SLC35F1: variants seen among roughly 807,000 people sequenced by gnomAD.
SLC35F1 encodes solute carrier family 35 member F1, also known as chromosome 6 open reading frame 169.
A neutral mutation model predicts 48.7 loss-of-function variants in SLC35F1; 14 were observed. The ratio of observed to expected loss-of-function variants is 0.29; its 90% CI spans 0.19 to 0.45. SLC35F1 has a LOEUF of 0.45. Among genes scored for constraint, SLC35F1 ranks in the 20% least tolerant of loss-of-function variants. SLC35F1 has a pLI of 1.00. For missense variants in SLC35F1, 404 were observed against 500.0 expected (o/e 0.81, Z 1.83); for synonymous variants, 190 against 202.2 (o/e 0.94, Z 0.51).
chr6:118,255,416 G>A (rs181843950), intron 3 of SLC35F1, among the ~76,000 whole-genome samples: 1 of 152,312 alleles, frequency 6.6e-6, no homozygotes, highest in East Asian at 1.9e-4. Flanking sequence ...AGGCTTTGAT[G>A]ATACCCGATG....
intron 1 of SLC35F1, among the ~76,000 whole-genome samples, chr6:117,990,305 G>A (rs758367032): frequency 7.9e-5 from 12 of 151,968 alleles, no homozygotes; most frequent in Non-Finnish European, 1.5e-4. Context: ...TCTGTCTCAC[G>A]CTGGAGGCCA....
At chr6:118,033,339 G>A (rs1187623588) in intron 1 of SLC35F1, among the ~76,000 whole-genome samples, 2 of 152,126 alleles carry the variant, frequency 1.3e-5, no homozygotes, top group African/African-American at 4.8e-5. Context: ...CTCAGTAAAT[G>A]TTAGCTAATG....
At chr6:118,126,489 TTAAAG>T (rs536894709) in intron 1 of SLC35F1, among the ~76,000 whole-genome samples, 116 of 152,168 alleles carry the variant, frequency 7.6e-4, no homozygotes, top group African/African-American at 2.5e-3. Context: ...CATATGAACT[TTAAAG>T]TAGTTTTTTC....
intron 1 of SLC35F1, among the ~76,000 whole-genome samples, chr6:117,938,168 AG>A (rs1776183698): frequency 6.6e-6 from 1 of 152,186 alleles, no homozygotes; most frequent in Non-Finnish European, 1.5e-5. Context: ...GGGGTAATAT[AG>A]AGGAGATGAT....
intron 2 of SLC35F1, among the ~76,000 whole-genome samples, chr6:118,220,976 A>T (rs1775139435): frequency 6.6e-6 from 1 of 152,152 alleles, no homozygotes; most frequent in African/African-American, 2.4e-5. Flanking sequence ...TTGTCACACG[A>T]CACAGAAGGC....
At chr6:117,969,599 T>C (rs903589107) in intron 1 of SLC35F1, among the ~76,000 whole-genome samples, 1 of 152,160 alleles carries the variant, frequency 6.6e-6, no homozygotes, top group Non-Finnish European at 1.5e-5. Flanking sequence ...CCTGTGGTCC[T>C]AGCTACTCTG....
At chr6:117,967,825 C>T (rs1349284218) in intron 1 of SLC35F1, among the ~76,000 whole-genome samples, 2 of 152,128 alleles carry the variant, frequency 1.3e-5, no homozygotes, top group African/African-American at 4.8e-5. Context: ...GGAGCCATTT[C>T]AATCCAATAT....
chr6:117,990,953 G>T (rs925121760), intron 1 of SLC35F1, among the ~76,000 whole-genome samples: 5 of 152,082 alleles, frequency 3.3e-5, no homozygotes, highest in African/African-American at 1.2e-4. Flanking sequence ...AGGATTAGTG[G>T]TACCATCCAC....
intron 2 of SLC35F1, among the ~76,000 whole-genome samples, chr6:118,159,053 T>C (rs1774186542): frequency 6.6e-6 from 1 of 151,694 alleles, no homozygotes. Context: ...ACCCCGTCTC[T>C]ACTAAAAATA....
At chr6:118,097,058 CT>C (rs1478892008) in intron 1 of SLC35F1, among the ~76,000 whole-genome samples, 2 of 152,044 alleles carry the variant, frequency 1.3e-5, no homozygotes, top group African/African-American at 2.4e-5. Context: ...TTTTATTTTC[CT>C]TTGCTGTTTT....
intron 1 of SLC35F1, among the ~76,000 whole-genome samples, chr6:117,922,024 C>T (rs1189392197): frequency 6.6e-6 from 1 of 152,182 alleles, no homozygotes; most frequent in Non-Finnish European, 1.5e-5. Flanking sequence ...GAAAGCCATT[C>T]ATTGGATTTA....
chr6:118,019,396 C>T (rs7775110), intron 1 of SLC35F1, among the ~76,000 whole-genome samples: 4,044 of 151,994 alleles, frequency 0.027, 181 homozygotes, highest in African/African-American at 0.093. Flanking sequence ...CTGAGGTGGG[C>T]GAATCACTTG....
At chr6:117,951,284 A>C (rs1342068867) in intron 1 of SLC35F1, among the ~76,000 whole-genome samples, 2 of 152,234 alleles carry the variant, frequency 1.3e-5, no homozygotes, top group African/African-American at 4.8e-5. Context: ...AAACAACAAA[A>C]AAACCAAAAT....
chr6:118,261,462 C>T (rs1775711210), intron 3 of SLC35F1, among the ~76,000 whole-genome samples: 1 of 152,272 alleles, frequency 6.6e-6, no homozygotes, highest in East Asian at 1.9e-4. Flanking sequence ...TAATAGTCAA[C>T]ACATTTTCTT....
At chr6:118,108,886 A>G (rs1773359730) in intron 1 of SLC35F1, among the ~76,000 whole-genome samples, 1 of 152,188 alleles carries the variant, frequency 6.6e-6, no homozygotes, top group Non-Finnish European at 1.5e-5. Context: ...TCATAAAATT[A>G]AATTGCAATA....
intron 1 of SLC35F1, among the ~76,000 whole-genome samples, chr6:118,002,940 G>T (rs1777123725): frequency 6.6e-6 from 1 of 152,082 alleles, no homozygotes; most frequent in South Asian, 2.1e-4. Context: ...ATTCTCAAGG[G>T]TTACTTCACC....
chr6:118,095,522 T>C (rs994330105), intron 1 of SLC35F1, among the ~76,000 whole-genome samples: 3 of 152,180 alleles, frequency 2.0e-5, no homozygotes, highest in African/African-American at 7.2e-5. Flanking sequence ...CCTCTTTCAG[T>C]CTGTCATTAG....
chr6:118,288,658 A>G (rs927992279), intron 7 of SLC35F1, among the ~76,000 whole-genome samples: 3 of 152,166 alleles, frequency 2.0e-5, no homozygotes, highest in Non-Finnish European at 4.4e-5. Flanking sequence ...TATTAATGCC[A>G]GTTGGCTCTT....
At chr6:118,112,388 T>C (rs972235179) in intron 1 of SLC35F1, among the ~76,000 whole-genome samples, 11 of 152,168 alleles carry the variant, frequency 7.2e-5, no homozygotes, top group African/African-American at 2.7e-4. Flanking sequence ...CTCCCCATGA[T>C]CTTTTTAAAT....
Sources: allele counts gnomAD v4.1 joint callset (sites outside exome capture counted in the v4.1 genomes callset), GRCh38; gene constraint gnomAD v4.1.1; transcripts MANE v1.5; gene names NCBI Gene and HGNC (gene_info 2026-07-23, HGNC 2026-07-21).